The following TRAF1 variants were observed in gnomAD, a reference collection of about 807,000 sequenced individuals.
TRAF1 encodes TNF receptor-associated factor 1.
TRAF1 carries 23 observed loss-of-function variants against 40.9 expected under a neutral mutation model. The ratio of observed to expected loss-of-function variants is 0.56; its 90% confidence interval spans 0.40 to 0.80. TRAF1 has a LOEUF of 0.80. Ranked by LOEUF, TRAF1 falls within the 30% of genes least tolerant of loss-of-function variation. The probability of loss-of-function intolerance (pLI) is 0.00; values close to 1 mark genes in which losing one functional copy is unlikely to be tolerated. For synonymous variants in TRAF1, 206 were observed against 218.8 expected (o/e 0.94, Z 0.52); for missense variants, 477 against 528.7 (o/e 0.90, Z 0.96).
Position 120,905,077 on chromosome 9 carries a change from G to C in TRAF1, c.1194C>G (p.His398Gln). ...ACATTGTGTCGTCCTTCACGTAGGC[G>C]TGCTTGGGTGACTGCAGTTTGCTGA... ...FPLSKLQSPK[H>Q]AYVKDDTMFL... Residue 398 changes from histidine (H) to glutamine (Q), a missense_variant, in exon 8 of 8, where the codon CAC becomes CAG. His to Gln is a conservative substitution (Grantham distance 24). Coordinates refer to ENST00000373887, the MANE Select transcript of TRAF1 (RefSeq NM_005658.5). The C allele has an allele frequency of 6.2e-7, 1 of 1,614,252 alleles. No individual in the cohort carries two copies. Among genetic ancestry groups the C allele is most frequent in the African/African-American group, 1.3e-5 (1 of 75,072 alleles).
upstream of TRAF1, chr9:120,928,857 T>TG (rs1422383941): frequency 6.6e-6 from 1 of 152,224 alleles, no homozygotes; most frequent in East Asian, 1.9e-4. Context: ...CATATCCAGT[T>TG]GCGAGGGCAG....
chr9:120,922,631 T>G (rs911650171), intron 3 of TRAF1, among the ~76,000 whole-genome samples: 2 of 152,130 alleles, frequency 1.3e-5, no homozygotes, highest in Non-Finnish European at 2.9e-5. Context: ...ATGTGTCTCT[T>G]ATTCCTAGAA....
chr9:120,917,736 T>G (rs1242813466), intron 3 of TRAF1, among the ~76,000 whole-genome samples: 4 of 152,046 alleles, frequency 2.6e-5, no homozygotes, highest in Non-Finnish European at 5.9e-5. Context: ...CAGTGGAGCA[T>G]CTCCCCTTCT....
upstream of TRAF1, chr9:120,928,332 T>C (rs2046653910): frequency 1.3e-5 from 2 of 152,238 alleles, no homozygotes; most frequent in Non-Finnish European, 2.9e-5. Flanking sequence ...GAAAAGATTG[T>C]CTATACAGGC....
rs1352899492 is a variant in TRAF1 at position 120,909,447 on chromosome 9, G to A, written c.884-69C>T. 2.5e-6 allele frequency: 4 copies of A among 1,575,194 alleles called. No individual in the cohort carries two copies. In the South Asian group the frequency reaches 4.6e-5, roughly 18 times the overall value. On this transcript the variant is annotated intron_variant, in intron 6 of 7. Transcript: ENST00000373887. ...GCAGATGTGGGACTGGGATCCAGTG[G>A]TCAGGCATGCCCAAGGTCAGCGGCT...
chr9:120,923,928 C>A (rs1286952298), intron 2 of TRAF1, 136 bp from the exon 3 acceptor site: 4 of 849,926 alleles, frequency 4.7e-6, no homozygotes, highest in South Asian at 2.9e-5. Context: ...GCCACAGTTC[C>A]TAAATCGCAA....
Position 120,913,309 on chromosome 9 carries a change from AC to A in TRAF1, c.705+18del, listed in dbSNP as rs756127235. ...GGGGCTCAGCCGGGCTTGAAGGCAA[AC>A]CTGCCTCCCACACTCACCCTCTGCT... On this transcript the variant is annotated intron_variant, in intron 5 of 7. Transcript: ENST00000373887. 1.3e-6 allele frequency: 2 copies of A among 1,578,044 alleles called. No individual in the cohort carries two copies. Among genetic ancestry groups the A allele is most frequent in the Middle Eastern group, 1.8e-4 (1 of 5,536 alleles).
chr9:120,918,556 T>C (rs2046584118), intron 3 of TRAF1, among the ~76,000 whole-genome samples: 1 of 152,164 alleles, frequency 6.6e-6, no homozygotes, highest in African/African-American at 2.4e-5. Flanking sequence ...TCTCATTTAA[T>C]CCTCACATCA....
At chr9:120,923,153 A>G (rs1304783801) in intron 3 of TRAF1, among the ~76,000 whole-genome samples, 1 of 152,242 alleles carries the variant, frequency 6.6e-6, no homozygotes, top group Admixed American at 6.5e-5. Flanking sequence ...CTAACACTTC[A>G]GAATTACAGG....
intron 7 of TRAF1, among the ~76,000 whole-genome samples, chr9:120,906,335 A>G (rs7857955): frequency 0.082 from 12,534 of 151,934 alleles, 1,203 homozygotes; most frequent in African/African-American, 0.22. Flanking sequence ...ATGTACCACT[A>G]TGCCCAGATA....
intron 5 of TRAF1, among the ~76,000 whole-genome samples, chr9:120,912,208 TG>T (rs2046533307): frequency 6.6e-6 from 1 of 152,146 alleles, no homozygotes; most frequent in African/African-American, 2.4e-5. Flanking sequence ...ACACGGCAGG[TG>T]GCTCTGATCA....
At chr9:120,925,587 T>G (rs1296312284) in intron 2 of TRAF1, among the ~76,000 whole-genome samples, 1 of 152,232 alleles carries the variant, frequency 6.6e-6, no homozygotes, top group Non-Finnish European at 1.5e-5. Flanking sequence ...TTGGGCTTCA[T>G]TAACAATTCT....
Position 120,914,280 on chromosome 9 carries a change from C to A in TRAF1, c.249G>T (p.Glu83Asp). The A allele has an allele frequency of 6.5e-7, 1 of 1,539,196 alleles. No homozygotes were observed. The highest frequency in any genetic ancestry group is 8.8e-7 in the Non-Finnish European group (1 of 1,132,970). Residue 83 changes from glutamate (E) to aspartate (D), a missense_variant, in exon 4 of 8, where the codon GAG (glutamate) becomes GAT (aspartate). Physicochemically the swap from Glu to Asp is conservative, Grantham distance 45. Transcript: ENST00000373887. Reference sequence around the variant, plus strand: ...CTGCAAAGGGGCACCCAATTCCAGCCTCAGCCACCTCGGGGTGAGCCTGGA... The same window carrying A: ...CTGCAAAGGGGCACCCAATTCCAGCATCAGCCACCTCGGGGTGAGCCTGGA... Reference protein sequence around the residue: ...TQEKAHPEVAEAGIGCPFAGV... With the variant: ...TQEKAHPEVADAGIGCPFAGV...
intron 3 of TRAF1, among the ~76,000 whole-genome samples, chr9:120,921,561 C>T (rs1274602345): frequency 6.6e-6 from 1 of 152,024 alleles, no homozygotes; most frequent in Non-Finnish European, 1.5e-5. Flanking sequence ...CATAGTGGCT[C>T]ACAGAGTTGA....
intron 3 of TRAF1, among the ~76,000 whole-genome samples, chr9:120,917,612 A>G (rs1457223112): frequency 6.6e-6 from 1 of 152,210 alleles, no homozygotes; most frequent in Non-Finnish European, 1.5e-5. Context: ...AAATGTCAGC[A>G]GGACTGCGTT....
rs568174384 is a variant in TRAF1, at chr9:120,913,482, T to C, written c.551A>G (p.Glu184Gly). 1.2e-6 allele frequency: 2 copies of C among 1,613,978 alleles called. No individual in the cohort carries two copies. Among genetic ancestry groups the C allele is most frequent in the Admixed American group, 3.3e-5 (2 of 60,024 alleles). Residue 184 changes from glutamate (E) to glycine (G), a missense_variant, in exon 5 of 8, where the codon GAG (glutamate) becomes GGG (glycine). Coordinates refer to ENST00000373887, the MANE Select transcript of TRAF1 (RefSeq NM_005658.5). Reference sequence around the variant, plus strand: ...CCCCTCCAGCTCAGCCAGAAGCTTCTCCTTCATGAAGTGCTGCAGGGCCAG... The same window carrying C: ...CCCCTCCAGCTCAGCCAGAAGCTTCCCCTTCATGAAGTGCTGCAGGGCCAG... ...EELALQHFMKEKLLAELEGKL... is the reference protein window; with the variant it reads ...EELALQHFMKGKLLAELEGKL...
chr9:120,904,775 A>T lies in TRAF1; in HGVS notation c.*245T>A, dbSNP rs974820521. 1 of 537,532 alleles carries T rather than the reference A, an allele frequency of 1.9e-6. No homozygotes were observed. The highest frequency in any genetic ancestry group is 3.1e-5 in the East Asian group (1 of 31,820). 33.3% of individuals were successfully genotyped at this position (537,532 alleles called of 1,614,324 possible). A position where few individuals can be genotyped will look rare whatever the true frequency, so the allele number is the denominator to read the frequency against. On this transcript the variant is annotated 3_prime_UTR_variant, in exon 8 of 8. Coordinates refer to ENST00000373887, the MANE Select transcript of TRAF1 (RefSeq NM_005658.5). Reference sequence around the variant, plus strand: ...TGGCTCACTGGCCTCCCAGTGTCGCATGGTCCGTGCAGAGGGGAGCAGCTC... The same window carrying T: ...TGGCTCACTGGCCTCCCAGTGTCGCTTGGTCCGTGCAGAGGGGAGCAGCTC...
chr9:120,916,749 C>A (rs2046572111), intron 3 of TRAF1, among the ~76,000 whole-genome samples: 1 of 109,760 alleles, frequency 9.1e-6, no homozygotes, highest in South Asian at 3.2e-4. Context: ...TAATAGAAAA[C>A]AGATGTTCTA....
At chr9:120,916,169 T>C (rs1212985299) in intron 3 of TRAF1, among the ~76,000 whole-genome samples, 2 of 152,174 alleles carry the variant, frequency 1.3e-5, no homozygotes, top group Non-Finnish European at 2.9e-5. Flanking sequence ...TCAAAAACAT[T>C]ATGCTAAGTG....
Sources: allele counts gnomAD v4.1 joint callset (sites outside exome capture counted in the v4.1 genomes callset), GRCh38; gene constraint gnomAD v4.1.1; transcripts MANE v1.5; gene names NCBI Gene and HGNC (gene_info 2026-07-23, HGNC 2026-07-21).